Variants in ASAP1 observed in about 807,000 individuals in gnomAD.
ASAP1 encodes arf-GAP with SH3 domain, ANK repeat and PH domain-containing protein 1.
In ASAP1, 43 loss-of-function variants were observed where a neutral mutation model predicts 145.2. That is an observed-to-expected ratio of 0.30 (90% CI 0.23 to 0.38). The LOEUF is 0.38. Among genes scored for constraint, ASAP1 ranks in the 10% least tolerant of loss-of-function variants. ASAP1 has a pLI of 1.00. For synonymous variants in ASAP1, 546 were observed against 515.5 expected, an observed-to-expected ratio of 1.06 and a Z score of -0.80; for missense variants, 1,018 against 1,355.3, an observed-to-expected ratio of 0.75 and a Z score of 3.91.
intron 3 of ASAP1, among the ~76,000 whole-genome samples, chr8:130,273,378 G>T (rs1820696264): frequency 6.6e-6 from 1 of 152,172 alleles, no homozygotes; most frequent in Admixed American, 6.6e-5. Flanking sequence ...GGTCACGCCT[G>T]CTTCCACTCA....
At chr8:130,109,176 C>T (rs2097542669) in intron 24 of ASAP1, among the ~76,000 whole-genome samples, 1 of 151,576 alleles carries the variant, frequency 6.6e-6, no homozygotes. Context: ...AATTTTACAG[C>T]TTTGATTTAG....
At chr8:130,148,022 A>G (rs2097636614) in intron 13 of ASAP1, among the ~76,000 whole-genome samples, 1 of 152,212 alleles carries the variant, frequency 6.6e-6, no homozygotes, top group African/African-American at 2.4e-5. Flanking sequence ...TCAAATATAA[A>G]TTCTTAGAAC....
chr8:130,167,385 T>C, intron 11 of ASAP1, 151 bp downstream of exon 11: 1 of 789,734 alleles, frequency 1.3e-6, no homozygotes, highest in South Asian at 1.4e-5. Context: ...GAAAAGGAAC[T>C]AAAATACAGT....
intron 3 of ASAP1, among the ~76,000 whole-genome samples, chr8:130,297,067 G>T (rs1246449310): frequency 6.6e-6 from 1 of 152,168 alleles, no homozygotes; most frequent in Non-Finnish European, 1.5e-5. Context: ...CAGCTGTGTG[G>T]GGGGTTAAAT....
intron 3 of ASAP1, among the ~76,000 whole-genome samples, chr8:130,350,518 T>C (rs1468817027): frequency 6.6e-6 from 1 of 152,172 alleles, no homozygotes; most frequent in Non-Finnish European, 1.5e-5. Context: ...TAACTGGCAA[T>C]CCAAGCATCT....
At chr8:130,232,057 T>C (rs1817937962) in intron 4 of ASAP1, among the ~76,000 whole-genome samples, 1 of 152,220 alleles carries the variant, frequency 6.6e-6, no homozygotes, top group Admixed American at 6.5e-5. Context: ...TAGGACTGCT[T>C]GAGTATCCTC....
chr8:130,307,965 C>A (rs1350484144), intron 3 of ASAP1, among the ~76,000 whole-genome samples: 1 of 152,210 alleles, frequency 6.6e-6, no homozygotes, highest in Non-Finnish European at 1.5e-5. Context: ...CAAGCAGCTT[C>A]CTTCCTCAAA....
intron 27 of ASAP1, among the ~76,000 whole-genome samples, chr8:130,071,115 C>T (rs1167015935): frequency 1.3e-5 from 2 of 150,742 alleles, no homozygotes; most frequent in Non-Finnish European, 2.9e-5. Flanking sequence ...TGCAGTGATC[C>T]TAGGACAGGA....
intron 7 of ASAP1, among the ~76,000 whole-genome samples, chr8:130,185,496 G>A (rs1814653264): frequency 6.6e-6 from 1 of 152,118 alleles, no homozygotes; most frequent in Non-Finnish European, 1.5e-5. Flanking sequence ...CTTTGGCTGA[G>A]GCAGGTGGAT....
At chr8:130,382,282 T>C (rs536762243) in intron 2 of ASAP1, among the ~76,000 whole-genome samples, 3 of 73,222 alleles carry the variant, frequency 4.1e-5, no homozygotes, top group South Asian at 4.8e-4. Context: ...CGAGATTCTG[T>C]CTCAAAAAAA....
chr8:130,060,033 G>T (rs1328208886), intron 28 of ASAP1, among the ~76,000 whole-genome samples: 1 of 136,684 alleles, frequency 7.3e-6, no homozygotes, highest in African/African-American at 2.8e-5. Flanking sequence ...AGCTGTGATC[G>T]CACCACTGCA....
chr8:130,295,620 G>C (rs1565181447), intron 3 of ASAP1, among the ~76,000 whole-genome samples: 1 of 152,172 alleles, frequency 6.6e-6, no homozygotes, highest in African/African-American at 2.4e-5. Flanking sequence ...ACTGATGCTG[G>C]AAGGCCTTAA....
chr8:130,205,335 T>C (rs779745100), intron 5 of ASAP1, among the ~76,000 whole-genome samples: 6 of 149,324 alleles, frequency 4.0e-5, no homozygotes, highest in East Asian at 3.9e-4. Flanking sequence ...ATTTAAAATG[T>C]ATTATTTGAA....
chr8:130,330,068 C>T (rs1043705811), intron 3 of ASAP1, among the ~76,000 whole-genome samples: 1 of 152,202 alleles, frequency 6.6e-6, no homozygotes, highest in African/African-American at 2.4e-5. Flanking sequence ...TTCATTACAG[C>T]TGGACCCAGC....
chr8:130,219,523 C>CTGA (rs1230770912), intron 4 of ASAP1, among the ~76,000 whole-genome samples: 1 of 152,120 alleles, frequency 6.6e-6, no homozygotes, highest in East Asian at 1.9e-4. Flanking sequence ...AGGAGACGGA[C>CTGA]TGATAAGGCA....
At chr8:130,242,272 A>C (rs1404321710) in intron 3 of ASAP1, among the ~76,000 whole-genome samples, 2 of 149,540 alleles carry the variant, frequency 1.3e-5, no homozygotes, top group Admixed American at 6.7e-5. Context: ...AAAAAAAAAA[A>C]AAAAAAAAAA....
intron 13 of ASAP1, among the ~76,000 whole-genome samples, chr8:130,140,548 C>T (rs533231626): frequency 1.1e-4 from 17 of 152,174 alleles, no homozygotes; most frequent in South Asian, 4.2e-4. Context: ...TTTCTAAGCA[C>T]GGACTATTTC....
chr8:130,317,762 A>G (rs952996383), intron 3 of ASAP1, among the ~76,000 whole-genome samples: 5 of 152,226 alleles, frequency 3.3e-5, no homozygotes, highest in Admixed American at 1.3e-4. Context: ...TGTTCAGCAC[A>G]TGATTGCTGA....
At chr8:130,238,590 T>C (rs1818349532) in intron 3 of ASAP1, among the ~76,000 whole-genome samples, 1 of 152,126 alleles carries the variant, frequency 6.6e-6, no homozygotes, top group African/African-American at 2.4e-5. Flanking sequence ...ATAAAACTTA[T>C]TATATTTATA....
Sources: gnomAD v4.1 joint callset for allele counts (sites outside exome capture counted in the v4.1 genomes callset) on GRCh38, gnomAD v4.1.1 for gene constraint, MANE v1.5 for transcripts, NCBI Gene and HGNC (gene_info 2026-07-23, HGNC 2026-07-21) for gene names.